TRAF1: variants seen among roughly 807,000 people sequenced by gnomAD.
TRAF1 encodes the protein TNF receptor-associated factor 1.
A neutral mutation model predicts 40.9 loss-of-function variants in TRAF1; 23 were observed. The observed-to-expected ratio is 0.56, with a 90% CI of 0.40 to 0.80. The LOEUF is 0.80. Among genes scored for constraint, TRAF1 ranks in the 30% least tolerant of loss-of-function variants. The probability of loss-of-function intolerance (pLI) is 0.00; values close to 1 mark genes in which losing one functional copy is unlikely to be tolerated. For missense variants in TRAF1, 477 were observed against 528.7 expected (o/e 0.90, Z 0.96); for synonymous variants, 206 against 218.8 (o/e 0.94, Z 0.52).
chr9:120,922,064 T>C (rs902942367), intron 3 of TRAF1, among the ~76,000 whole-genome samples: 5 of 152,196 alleles, frequency 3.3e-5, no homozygotes, highest in Admixed American at 2.0e-4. Flanking sequence ...TCCTGATCCC[T>C]GGGCCACAGT....
intron 7 of TRAF1, among the ~76,000 whole-genome samples, chr9:120,907,526 T>C (rs1428876499): frequency 6.6e-6 from 1 of 152,152 alleles, no homozygotes; most frequent in Admixed American, 6.5e-5. Context: ...TAAGAGTGTG[T>C]TTGGTTTTGT....
chr9:120,926,352 A>T, intron 1 of TRAF1, 51 bp from the exon 2 acceptor site: 1 of 284,552 alleles, frequency 3.5e-6, no homozygotes, highest in Non-Finnish European at 6.5e-6. Flanking sequence ...AGAAAAAGCA[A>T]GAGAGCAAGT....
intron 6 of TRAF1, among the ~76,000 whole-genome samples, chr9:120,910,251 C>T (rs1588148790): frequency 6.6e-6 from 1 of 152,046 alleles, no homozygotes; most frequent in Non-Finnish European, 1.5e-5. Context: ...CTTTTTCCCT[C>T]TTTGAAAAGA....
At chr9:120,911,064 G>A (rs2046522557) in intron 6 of TRAF1, among the ~76,000 whole-genome samples, 2 of 152,220 alleles carry the variant, frequency 1.3e-5, no homozygotes, top group African/African-American at 4.8e-5. Context: ...TTTGCAGAAT[G>A]GGACTGACAT....
intron 3 of TRAF1, among the ~76,000 whole-genome samples, chr9:120,918,178 G>C (rs1476766534): frequency 6.6e-6 from 1 of 152,134 alleles, no homozygotes; most frequent in Non-Finnish European, 1.5e-5. Context: ...ACACCACCCA[G>C]TCTGTGCACT....
At chr9:120,917,809 C>T (rs1446258998) in intron 3 of TRAF1, among the ~76,000 whole-genome samples, 1 of 152,106 alleles carries the variant, frequency 6.6e-6, no homozygotes, top group Non-Finnish European at 1.5e-5. Flanking sequence ...AAGGTCACCT[C>T]CCCATCTCAG....
At chr9:120,915,507 T>C (rs1409840503) in intron 3 of TRAF1, among the ~76,000 whole-genome samples, 2 of 152,138 alleles carry the variant, frequency 1.3e-5, no homozygotes, top group Non-Finnish European at 2.9e-5. Context: ...AGAGAACTCT[T>C]ACAACCTAAT....
At chr9:120,914,635 A>G (rs1297800314) in intron 3 of TRAF1, 7 of 1,003,934 alleles carry the variant, frequency 7.0e-6, no homozygotes, top group African/African-American at 6.9e-5. Context: ...CTGTGTTCCC[A>G]GTGCTGAGGG....
In TRAF1 at chr9:120,904,833, G is replaced by A. The variant is rs895316356; in HGVS notation, c.*187C>T. ...CTCCTTCTGGACCCTTTGCCTTTGT[G>A]GGCCCAGCCCACGTCCTGCCATCCT... is the stretch of plus-strand genomic sequence containing the variant. On this transcript the variant is annotated 3_prime_UTR_variant, in exon 8 of 8. Transcript: ENST00000373887. 1.1e-5 allele frequency: 7 copies of A among 637,296 alleles called. No homozygotes were observed. The highest frequency in any genetic ancestry group is 1.9e-5 in the Non-Finnish European group (7 of 371,256). 39.5% of individuals were successfully genotyped at this position (637,296 alleles called of 1,614,324 possible). A position where few individuals can be genotyped will look rare whatever the true frequency, so the allele number is the denominator to read the frequency against.
At chr9:120,918,424 T>G (rs76735553) in intron 3 of TRAF1, among the ~76,000 whole-genome samples, 4 of 147,106 alleles carry the variant, frequency 2.7e-5, no homozygotes, top group African/African-American at 8.0e-5. Context: ...ATAACACTAA[T>G]AATACTAATA....
At chr9:120,919,296 GGAACA>G (rs1413590523) in intron 3 of TRAF1, among the ~76,000 whole-genome samples, 1 of 152,182 alleles carries the variant, frequency 6.6e-6, no homozygotes, top group Non-Finnish European at 1.5e-5. Flanking sequence ...CAGCCCTGAG[GGAACA>G]CTCGTTCTTC....
chr9:120,914,965 G>C (rs1324957942), intron 3 of TRAF1, among the ~76,000 whole-genome samples: 1 of 152,134 alleles, frequency 6.6e-6, no homozygotes, highest in Admixed American at 6.5e-5. Context: ...AGCATGGTGG[G>C]GAAGAGAGGG....
Position 120,914,246 on chromosome 9 carries a change from A to G in TRAF1, c.283T>C (p.Cys95Arg), listed in dbSNP as rs750967786. 29 of 1,538,294 alleles carry G rather than the reference A, an allele frequency of 1.9e-5. No individual in the cohort carries two copies. The highest frequency in any genetic ancestry group is 8.2e-5 in the African/African-American group (6 of 73,090). The change falls in exon 4 of 8, where the codon TGC becomes CGC. Residue 95 changes from cysteine to arginine, a missense_variant. Transcript: ENST00000373887. ...GIGCPFAGVG[C>R]SFKGSPQSVQ... Reference sequence around the variant, plus strand: ...ACTCAGATGCTTACCTTGAAGGAGCAGCCGACACCTGCAAAGGGGCACCCA... The same window carrying G: ...ACTCAGATGCTTACCTTGAAGGAGCGGCCGACACCTGCAAAGGGGCACCCA...
chr9:120,908,498 C>A (rs1370603743), intron 7 of TRAF1, among the ~76,000 whole-genome samples: 1 of 152,102 alleles, frequency 6.6e-6, no homozygotes, highest in Non-Finnish European at 1.5e-5. Context: ...AAATACAAAA[C>A]AACAATTTAT....
At chr9:120,921,097 G>A (rs2046601776) in intron 3 of TRAF1, among the ~76,000 whole-genome samples, 1 of 152,186 alleles carries the variant, frequency 6.6e-6, no homozygotes, top group African/African-American at 2.4e-5. Flanking sequence ...AGGGAGGGGA[G>A]GGGGCTGATG....
At chr9:120,915,503 C>T (rs745750611) in intron 3 of TRAF1, among the ~76,000 whole-genome samples, 4 of 152,256 alleles carry the variant, frequency 2.6e-5, no homozygotes, top group Non-Finnish European at 5.9e-5. Context: ...ATATAGAGAA[C>T]TCTTACAACC....
chr9:120,905,391 A>T (rs2046473293), intron 7 of TRAF1, among the ~76,000 whole-genome samples, 153 bp from the exon 8 acceptor site: 1 of 152,228 alleles, frequency 6.6e-6, no homozygotes, highest in Non-Finnish European at 1.5e-5. Context: ...GAAACCAAGT[A>T]AGGAGCGCAC....
intron 3 of TRAF1, among the ~76,000 whole-genome samples, chr9:120,922,768 T>A (rs895918553): frequency 3.9e-5 from 6 of 152,238 alleles, no homozygotes; most frequent in African/African-American, 1.4e-4. Flanking sequence ...GGGTGGATAG[T>A]AAATATTTTG....
upstream of TRAF1, chr9:120,926,994 C>A (rs1253295277): frequency 6.6e-6 from 1 of 152,212 alleles, no homozygotes; most frequent in Non-Finnish European, 1.5e-5. Flanking sequence ...GAAAAGTGCA[C>A]TGGGGAAACG....
Sources: allele counts gnomAD v4.1 joint callset (sites outside exome capture counted in the v4.1 genomes callset), GRCh38; gene constraint gnomAD v4.1.1; transcripts MANE v1.5; gene names NCBI Gene and HGNC (gene_info 2026-07-23, HGNC 2026-07-21).